TAS2R1: variants seen among roughly 807,000 people sequenced by gnomAD.
The protein encoded by TAS2R1 is taste receptor type 2 member 1.
For synonymous variants in TAS2R1, 141 were observed against 134.2 expected (o/e 1.05, Z -0.35); for missense variants, 370 against 353.4 (o/e 1.05, Z -0.38).
At chr5:9,663,914 G>A (rs757535155) in intron 1 of TAS2R1, among the ~76,000 whole-genome samples, 4 of 152,172 alleles carry the variant, frequency 2.6e-5, no homozygotes, top group African/African-American at 4.8e-5. Context: ...ATAAGCCAAG[G>A]AATGCCAACA....
the TAS2R1 span, among the ~76,000 whole-genome samples, chr5:9,822,441 C>T: frequency 6.6e-6 from 1 of 151,184 alleles, no homozygotes; most frequent in African/African-American, 2.4e-5. Flanking sequence ...CCTCCACCTC[C>T]CGGATTCAAG....
At chr5:9,811,184 T>C in the TAS2R1 span, among the ~76,000 whole-genome samples, 2 of 152,146 alleles carry the variant, frequency 1.3e-5, no homozygotes, top group Non-Finnish European at 2.9e-5. Context: ...CACTTCACCA[T>C]GCGAGGATGC....
At chr5:9,869,444 G>C in the TAS2R1 span, among the ~76,000 whole-genome samples, 1 of 152,178 alleles carries the variant, frequency 6.6e-6, no homozygotes, top group East Asian at 1.9e-4. Flanking sequence ...ACTTTCATGA[G>C]AACAGCACAG....
the TAS2R1 span, among the ~76,000 whole-genome samples, chr5:9,852,468 A>G: frequency 6.6e-6 from 1 of 152,136 alleles, no homozygotes; most frequent in Admixed American, 6.5e-5. Context: ...AGGAAGCTGC[A>G]ATTTGCTCCC....
At chr5:9,738,483 G>T in the TAS2R1 span, among the ~76,000 whole-genome samples, 1 of 152,148 alleles carries the variant, frequency 6.6e-6, no homozygotes, top group Non-Finnish European at 1.5e-5. Flanking sequence ...AGTCCCAAAA[G>T]GCAACTCATT....
the TAS2R1 span, among the ~76,000 whole-genome samples, chr5:9,896,275 T>C: frequency 2.0e-5 from 3 of 152,186 alleles, no homozygotes; most frequent in Admixed American, 1.3e-4. Flanking sequence ...GCTAATAGTA[T>C]TTGTTTAGTA....
the TAS2R1 span, among the ~76,000 whole-genome samples, chr5:9,730,715 G>A: frequency 3.3e-5 from 5 of 152,122 alleles, no homozygotes; most frequent in African/African-American, 1.2e-4. Context: ...TGGTTTGGCT[G>A]TGTCCCCACC....
chr5:9,725,597 C>T, the TAS2R1 span, among the ~76,000 whole-genome samples: 2 of 152,308 alleles, frequency 1.3e-5, no homozygotes, highest in African/African-American at 2.4e-5. Context: ...GCCTGAGCAC[C>T]GCCCCTCCCC....
upstream of TAS2R1, among the ~76,000 whole-genome samples, chr5:9,632,006 AAAG>A (rs1264584883): frequency 1.3e-5 from 2 of 152,222 alleles, no homozygotes; most frequent in African/African-American, 2.4e-5. Flanking sequence ...CCTCCAGTAG[AAAG>A]AAGAAGAAAC....
chr5:9,824,090 G>C, the TAS2R1 span, among the ~76,000 whole-genome samples: 1 of 152,168 alleles, frequency 6.6e-6, no homozygotes, highest in African/African-American at 2.4e-5. Flanking sequence ...TAGGGCACAG[G>C]CACTGCCAAA....
At chr5:9,667,701 C>T (rs760636882) in intron 1 of TAS2R1, among the ~76,000 whole-genome samples, 1 of 152,000 alleles carries the variant, frequency 6.6e-6, no homozygotes, top group Non-Finnish European at 1.5e-5. Context: ...AAATTGAAGC[C>T]AGTCAACTGA....
At chr5:9,882,174 T>C in the TAS2R1 span, among the ~76,000 whole-genome samples, 2 of 152,146 alleles carry the variant, frequency 1.3e-5, no homozygotes, top group African/African-American at 2.4e-5. Context: ...GACAACCCCA[T>C]TAAAAAGTGG....
the TAS2R1 span, among the ~76,000 whole-genome samples, chr5:9,848,229 C>T: frequency 6.6e-6 from 1 of 152,210 alleles, no homozygotes; most frequent in Admixed American, 6.5e-5. Context: ...GCCTTCTATT[C>T]CTCCAAAGAC....
chr5:9,780,712 C>T, the TAS2R1 span, among the ~76,000 whole-genome samples: 14 of 152,258 alleles, frequency 9.2e-5, no homozygotes, highest in African/African-American at 3.4e-4. Flanking sequence ...CGCATGCACG[C>T]ACATGTGCGT....
the TAS2R1 span, among the ~76,000 whole-genome samples, chr5:9,742,522 A>G: frequency 6.6e-6 from 1 of 152,228 alleles, no homozygotes; most frequent in East Asian, 1.9e-4. Flanking sequence ...AAAACATTTC[A>G]AAAGGACAAA....
the TAS2R1 span, among the ~76,000 whole-genome samples, chr5:9,749,587 A>G: frequency 6.6e-6 from 1 of 152,210 alleles, no homozygotes; most frequent in Non-Finnish European, 1.5e-5. Context: ...ATGCATTAAT[A>G]AACTTAGTAA....
the TAS2R1 span, among the ~76,000 whole-genome samples, chr5:9,781,715 T>C: frequency 6.6e-6 from 1 of 152,212 alleles, no homozygotes; most frequent in Non-Finnish European, 1.5e-5. Flanking sequence ...ATACTCCCTC[T>C]GCCTGGGATC....
intron 1 of TAS2R1, among the ~76,000 whole-genome samples, chr5:9,701,300 C>G (rs1322469734): frequency 3.3e-5 from 5 of 151,496 alleles, no homozygotes; most frequent in Non-Finnish European, 7.4e-5. Flanking sequence ...TCATCTGTTT[C>G]TTCCCGGACC....
At chr5:9,876,926 C>T in the TAS2R1 span, among the ~76,000 whole-genome samples, 4 of 152,120 alleles carry the variant, frequency 2.6e-5, no homozygotes, top group Non-Finnish European at 4.4e-5. Flanking sequence ...TTCAGGTAAA[C>T]GAAAGGAATG....
Sources: gnomAD v4.1 joint callset for allele counts (sites outside exome capture counted in the v4.1 genomes callset) on GRCh38, gnomAD v4.1.1 for gene constraint, MANE v1.5 for transcripts, NCBI Gene and HGNC (gene_info 2026-07-23, HGNC 2026-07-21) for gene names.